Variants in ZFAND3 observed in about 807,000 individuals in gnomAD.
ZFAND3 encodes zinc finger AN1-type containing 3, also known as AN1-type zinc finger protein 3.
ZFAND3 carries 10 observed loss-of-function variants against 29.6 expected under a neutral mutation model. The ratio of observed to expected loss-of-function variants is 0.34; its 90% CI spans 0.21 to 0.57. The LOEUF (loss-of-function observed/expected upper bound fraction) is 0.57, where lower values mean the gene tolerates loss of function less well. Among genes scored for constraint, ZFAND3 ranks in the 20% least tolerant of loss-of-function variants. The pLI, the probability that ZFAND3 is intolerant of heterozygous loss-of-function variation, is 0.86. For synonymous variants in ZFAND3, 128 were observed against 112.6 expected, an observed-to-expected ratio of 1.14 and a Z score of -0.87; for missense variants, 230 against 304.5, an observed-to-expected ratio of 0.76 and a Z score of 1.82.
intron 1 of ZFAND3, among the ~76,000 whole-genome samples, chr6:37,883,066 A>G (rs984482185): frequency 2.0e-5 from 3 of 152,144 alleles, no homozygotes; most frequent in Non-Finnish European, 4.4e-5. Flanking sequence ...AAAAAAATTT[A>G]AAAACAATTA....
At chr6:38,063,096 CTA>C (rs1319076553) in intron 3 of ZFAND3, among the ~76,000 whole-genome samples, 13 of 151,934 alleles carry the variant, frequency 8.6e-5, no homozygotes, top group Admixed American at 8.5e-4. Context: ...TCTTTGAAAG[CTA>C]AGTTGAAATT....
chr6:37,858,223 C>T (rs935408752), intron 1 of ZFAND3, among the ~76,000 whole-genome samples: 8 of 152,172 alleles, frequency 5.3e-5, no homozygotes, highest in African/African-American at 1.4e-4. Context: ...CTGGTTCAGC[C>T]TGGCACAATC....
Position 37,843,585 on chromosome 6 carries a change from C to T in ZFAND3, c.71+23569C>T, listed in dbSNP as rs548028151. 5.3e-5 allele frequency among the ~76,000 whole-genome samples: 8 copies of T among 152,168 alleles called. No individual in the cohort carries two copies. The East Asian group carries it at 1.5e-3, about 29-fold the overall frequency. ...CTGAAGCTGAAATCAGATCTGAGAG[C>T]TAATAGGAGAATTTTGTTTTGAGAA... On this transcript the variant is annotated intron_variant, in intron 1 of 5. Coordinates refer to ENST00000287218, the MANE Select transcript of ZFAND3 (RefSeq NM_021943.3).
At chr6:37,892,461 T>G (rs1765122646) in intron 1 of ZFAND3, among the ~76,000 whole-genome samples, 2 of 152,168 alleles carry the variant, frequency 1.3e-5, no homozygotes, top group South Asian at 4.1e-4. Context: ...GGATGGAGCT[T>G]AAGTAGTGCT....
chr6:37,862,227 A>G (rs895776299), intron 1 of ZFAND3, among the ~76,000 whole-genome samples: 1 of 152,050 alleles, frequency 6.6e-6, no homozygotes, highest in African/African-American at 2.4e-5. Context: ...TGAATTTATT[A>G]ATATTGCAAA....
At chr6:38,043,934 C>T (rs960906900) in intron 2 of ZFAND3, among the ~76,000 whole-genome samples, 4 of 152,084 alleles carry the variant, frequency 2.6e-5, no homozygotes, top group Admixed American at 6.6e-5. Context: ...TGAGCCCCTG[C>T]GCCTAGCCCA....
chr6:38,069,120 T>G (rs1203488792), intron 3 of ZFAND3, among the ~76,000 whole-genome samples: 1 of 143,528 alleles, frequency 7.0e-6, no homozygotes, highest in African/African-American at 2.9e-5. Context: ...ACTTCTGATT[T>G]GTTTGTTTTT....
chr6:38,024,287 A>G (rs1039251292), intron 2 of ZFAND3, among the ~76,000 whole-genome samples: 2 of 151,858 alleles, frequency 1.3e-5, no homozygotes, highest in African/African-American at 2.4e-5. Context: ...CCTGGCTAAC[A>G]TGGTGAAACT....
intron 5 of ZFAND3, among the ~76,000 whole-genome samples, chr6:38,144,224 T>TA (rs1766050514): frequency 4.1e-5 from 3 of 73,200 alleles, no homozygotes; most frequent in Admixed American, 2.6e-4. Context: ...ATATAATATA[T>TA]ATATATATTT....
chr6:37,883,820 G>T (rs944095380), intron 1 of ZFAND3, among the ~76,000 whole-genome samples: 3 of 145,584 alleles, frequency 2.1e-5, no homozygotes, highest in East Asian at 1.9e-4. Flanking sequence ...GATTACAGGC[G>T]TGAGCCGCCG....
intron 2 of ZFAND3, among the ~76,000 whole-genome samples, chr6:38,007,023 T>A (rs1405239929): frequency 6.6e-6 from 1 of 152,150 alleles, no homozygotes; most frequent in African/African-American, 2.4e-5. Context: ...GTTCTCAGAT[T>A]TTTTTATCAG....
chr6:38,137,267 C>T (rs984971267), intron 5 of ZFAND3, among the ~76,000 whole-genome samples: 1 of 152,184 alleles, frequency 6.6e-6, no homozygotes, highest in African/African-American at 2.4e-5. Flanking sequence ...AAACAGGATA[C>T]ACCACAAGCC....
At chr6:38,079,431 A>G (rs1302965591) in intron 3 of ZFAND3, among the ~76,000 whole-genome samples, 1 of 152,206 alleles carries the variant, frequency 6.6e-6, no homozygotes, top group Non-Finnish European at 1.5e-5. Flanking sequence ...TTATTTGCAG[A>G]AACCTACAGA....
chr6:38,153,298 A>C lies in ZFAND3; in HGVS notation c.*909A>C. On this transcript the variant is annotated 3_prime_UTR_variant, in exon 6 of 6. Coordinates refer to ENST00000287218, the MANE Select transcript of ZFAND3 (RefSeq NM_021943.3). The stretch of plus-strand genomic sequence containing the variant: ...AAAAAGACATTTCATAGCCAACAAG[A>C]ATCAGTAGAAGTGCTGGGAGCAGCA... The C allele has an allele frequency of 1.0e-6, 1 of 985,516 alleles. No homozygotes were observed. The allele number at this position is 985,516 out of a possible 1,614,324, so 61.0% of individuals were successfully genotyped here. A position where few individuals can be genotyped will look rare whatever the true frequency, so the allele number is the denominator to read the frequency against.
intron 1 of ZFAND3, among the ~76,000 whole-genome samples, chr6:37,845,669 A>C (rs1009030268): frequency 6.6e-6 from 1 of 152,214 alleles, no homozygotes; most frequent in Non-Finnish European, 1.5e-5. Context: ...AGCGTATGCC[A>C]GTCTCTACTC....
chr6:38,129,624 A>G (rs556310895), intron 5 of ZFAND3, among the ~76,000 whole-genome samples: 5 of 151,416 alleles, frequency 3.3e-5, no homozygotes, highest in Non-Finnish European at 7.4e-5. Context: ...AGGTCAGTTG[A>G]CTCTAAGTAT....
At chr6:37,838,209 T>A (rs1212112997) in intron 1 of ZFAND3, among the ~76,000 whole-genome samples, 1 of 152,226 alleles carries the variant, frequency 6.6e-6, no homozygotes, top group East Asian at 1.9e-4. Context: ...ATTTTCTAGT[T>A]ATGAAGGGAA....
intron 4 of ZFAND3, among the ~76,000 whole-genome samples, chr6:38,110,508 A>C (rs1186723550): frequency 1.3e-5 from 2 of 152,112 alleles, no homozygotes; most frequent in East Asian, 3.8e-4. Flanking sequence ...TTCGTGGACA[A>C]AGGTTTTACC....
intron 2 of ZFAND3, among the ~76,000 whole-genome samples, chr6:38,053,279 T>C (rs891863868): frequency 1.3e-5 from 2 of 149,530 alleles, no homozygotes; most frequent in Non-Finnish European, 3.0e-5. Flanking sequence ...AGGGAGGTGA[T>C]GTTATCAGAA....
Sources: gnomAD v4.1 joint callset for allele counts (sites outside exome capture counted in the v4.1 genomes callset) on GRCh38, gnomAD v4.1.1 for gene constraint, MANE v1.5 for transcripts, NCBI Gene and HGNC (gene_info 2026-07-23, HGNC 2026-07-21) for gene names.